The following CCDC178 variants were observed in gnomAD, a reference collection of about 807,000 sequenced individuals.
CCDC178 encodes the protein coiled-coil domain-containing protein 178.
CCDC178 carries 126 observed loss-of-function variants against 117.4 expected under a neutral mutation model. The observed-to-expected ratio is 1.07, with a 90% CI of 0.93 to 1.24. The LOEUF (loss-of-function observed/expected upper bound fraction) is 1.24, where lower values mean the gene tolerates loss of function less well. Among genes scored for constraint, CCDC178 ranks in the 50% most tolerant of loss-of-function variants. The pLI is 0.00. For synonymous variants in CCDC178, 283 were observed against 313.4 expected (o/e 0.90, Z 1.02); for missense variants, 1,030 against 986.9 (o/e 1.04, Z -0.59).
intron 14 of CCDC178, among the ~76,000 whole-genome samples, chr18:33,251,303 T>G (rs1354811524): frequency 6.6e-6 from 1 of 151,786 alleles, no homozygotes; most frequent in Non-Finnish European, 1.5e-5. Flanking sequence ...GAGATTGAGA[T>G]AATTCTCATT....
chr18:33,031,384 A>C (rs576244130), intron 21 of CCDC178, among the ~76,000 whole-genome samples: 6 of 151,962 alleles, frequency 3.9e-5, no homozygotes, highest in African/African-American at 1.2e-4. Flanking sequence ...GTAGCTAGGA[A>C]TACAGGTGCA....
At chr18:32,962,387 G>A (rs1429105074) in intron 22 of CCDC178, among the ~76,000 whole-genome samples, 1 of 151,802 alleles carries the variant, frequency 6.6e-6, no homozygotes, top group Non-Finnish European at 1.5e-5. Flanking sequence ...TTTTCTTCTG[G>A]TCATTTCCTT....
chr18:33,359,303 T>G (rs2063096674), intron 6 of CCDC178, among the ~76,000 whole-genome samples: 1 of 151,786 alleles, frequency 6.6e-6, no homozygotes, highest in Non-Finnish European at 1.5e-5. Context: ...TGCAATTTCA[T>G]ATGAAGAAAC....
chr18:32,966,077 A>G lies in CCDC178; in HGVS notation c.2523+8470T>C, dbSNP rs942859331. 4.0e-5 allele frequency among the ~76,000 whole-genome samples: 6 copies of G among 151,550 alleles called. No individual in the cohort carries two copies. The South Asian group carries it at 1.0e-3, about 26-fold the overall frequency. ...CTATACAACATTTTATATTTTAAAA[A>G]ATAGATTTTAAAAATGTTTACTCTA... On this transcript the variant is annotated intron_variant, in intron 22 of 22. Coordinates refer to ENST00000383096, the MANE Select transcript of CCDC178 (RefSeq NM_001105528.4).
At chr18:33,248,772 G>A (rs945355164) in intron 14 of CCDC178, among the ~76,000 whole-genome samples, 2 of 151,970 alleles carry the variant, frequency 1.3e-5, no homozygotes, top group African/African-American at 4.8e-5. Flanking sequence ...AATCCTTCAG[G>A]TATATACCCA....
chr18:33,103,936 ATAT>A (rs1342490184), intron 20 of CCDC178, among the ~76,000 whole-genome samples: 3 of 151,846 alleles, frequency 2.0e-5, no homozygotes, highest in Non-Finnish European at 4.4e-5. Context: ...GACTAGACAA[ATAT>A]TATAGCCACA....
chr18:33,340,638 T>C (rs952727647), intron 9 of CCDC178, among the ~76,000 whole-genome samples: 1 of 152,108 alleles, frequency 6.6e-6, no homozygotes, highest in African/African-American at 2.4e-5. Flanking sequence ...GTGCCCTATG[T>C]CACAGCCACT....
chr18:33,261,051 T>C (rs2059741220), intron 14 of CCDC178, among the ~76,000 whole-genome samples: 1 of 151,540 alleles, frequency 6.6e-6, no homozygotes, highest in South Asian at 2.1e-4. Context: ...TAATTTTCCA[T>C]ATACATTTTA....
At chr18:33,340,158 CTT>C (rs1249771833) in intron 9 of CCDC178, among the ~76,000 whole-genome samples, 2 of 152,082 alleles carry the variant, frequency 1.3e-5, no homozygotes, top group African/African-American at 4.8e-5. Context: ...AGATAAGAAA[CTT>C]GTTGGGAACT....
At chr18:33,116,243 C>T (rs1202676034) in intron 20 of CCDC178, among the ~76,000 whole-genome samples, 1 of 151,998 alleles carries the variant, frequency 6.6e-6, no homozygotes. Context: ...CTGTGGTGGC[C>T]AAATCTACTC....
intron 3 of CCDC178, among the ~76,000 whole-genome samples, chr18:33,397,574 T>TA (rs1475403121): frequency 1.3e-5 from 2 of 152,132 alleles, no homozygotes; most frequent in Admixed American, 6.6e-5. Flanking sequence ...TATATGGATT[T>TA]AAAAAATCCA....
chr18:33,128,772 G>C (rs1215247997), intron 20 of CCDC178, among the ~76,000 whole-genome samples: 1 of 152,104 alleles, frequency 6.6e-6, no homozygotes, highest in Non-Finnish European at 1.5e-5. Context: ...CCCGCACCAG[G>C]AACTGCATCA....
At chr18:32,942,008 C>G (rs893828362) in intron 22 of CCDC178, among the ~76,000 whole-genome samples, 1 of 152,100 alleles carries the variant, frequency 6.6e-6, no homozygotes, top group Non-Finnish European at 1.5e-5. Flanking sequence ...CTACTCAAAA[C>G]AGGAAGATTT....
chr18:33,088,124 C>T (rs2057409788), intron 21 of CCDC178, among the ~76,000 whole-genome samples: 1 of 151,782 alleles, frequency 6.6e-6, no homozygotes, highest in South Asian at 2.1e-4. Context: ...ATCTCCTGGA[C>T]TCGAGATCAC....
intron 21 of CCDC178, among the ~76,000 whole-genome samples, chr18:33,043,206 G>C (rs142310939): frequency 6.6e-6 from 1 of 152,010 alleles, no homozygotes; most frequent in East Asian, 1.9e-4. Context: ...TCTATGTAAA[G>C]GAAGATCAAG....
At chr18:33,105,457 GCA>G (rs2057692419) in intron 20 of CCDC178, among the ~76,000 whole-genome samples, 1 of 151,472 alleles carries the variant, frequency 6.6e-6, no homozygotes, top group Non-Finnish European at 1.5e-5. Context: ...ACTTTCGTGG[GCA>G]CAGAGGTACA....
chr18:33,280,155 G>A (rs1344036618), intron 12 of CCDC178, among the ~76,000 whole-genome samples: 1 of 151,536 alleles, frequency 6.6e-6, no homozygotes, highest in Non-Finnish European at 1.5e-5. Flanking sequence ...TACCATCAGA[G>A]TGCACAGGCA....
chr18:33,320,750 A>G (rs1315487629), intron 11 of CCDC178, among the ~76,000 whole-genome samples: 1 of 152,218 alleles, frequency 6.6e-6, no homozygotes, highest in Non-Finnish European at 1.5e-5. Context: ...TTTAAAGTTC[A>G]TATGGAACCA....
At chr18:33,119,391 T>G (rs1200837231) in intron 20 of CCDC178, among the ~76,000 whole-genome samples, 1 of 152,094 alleles carries the variant, frequency 6.6e-6, no homozygotes, top group East Asian at 1.9e-4. Flanking sequence ...AACAGACATT[T>G]CTCAAAAGAA....
Sources: gnomAD v4.1 joint callset for allele counts (sites outside exome capture counted in the v4.1 genomes callset) on GRCh38, gnomAD v4.1.1 for gene constraint, MANE v1.5 for transcripts, NCBI Gene and HGNC (gene_info 2026-07-23, HGNC 2026-07-21) for gene names.